Variants in KAT2B observed in about 807,000 individuals in gnomAD.
KAT2B encodes lysine acetyltransferase 2B, also known as histone acetyltransferase KAT2B.
In KAT2B, 36 loss-of-function variants were observed where a neutral mutation model predicts 105.9. The observed-to-expected ratio is 0.34, with a 90% confidence interval of 0.26 to 0.45. The LOEUF (loss-of-function observed/expected upper bound fraction) is 0.45. Ranked by LOEUF, KAT2B falls within the 20% of genes least tolerant of loss-of-function variation. KAT2B has a pLI of 1.00. For missense variants in KAT2B, 820 were observed against 1,021.6 expected (o/e 0.80, Z 2.69); for synonymous variants, 397 against 377.9 (o/e 1.05, Z -0.59).
chr3:20,119,691 G>T lies in KAT2B; in HGVS notation c.1244G>T (p.Cys415Phe). The T allele has an allele frequency of 1.2e-6, 2 of 1,614,080 alleles. No homozygotes were observed. Among genetic ancestry groups the T allele is most frequent in the Non-Finnish European group, 1.7e-6 (2 of 1,179,972 alleles). The part of the protein sequence containing the change: ...QPNAGSSSPA[C>F]KASSGLEANP... ...AACGCAGGGAGCAGCAGTCCTGCCTGCAAAGCCTCTTCTGGACTTGAGGCA... is the reference window on the plus strand; with the variant it reads ...AACGCAGGGAGCAGCAGTCCTGCCTTCAAAGCCTCTTCTGGACTTGAGGCA... Residue 415 changes from cysteine (C) to phenylalanine (F), a missense_variant, in exon 8 of 18, where the codon TGC becomes TTC. Physicochemically the swap from Cys to Phe is radical, Grantham distance 205. Around this residue, in one of 6 missense-constraint regions of KAT2B, gnomAD observed 225 missense variants for 268.1 expected, o/e 0.84. Transcript: ENST00000263754.
intron 2 of KAT2B, among the ~76,000 whole-genome samples, chr3:20,075,937 G>A (rs1485227978): frequency 6.6e-6 from 1 of 151,212 alleles, no homozygotes; most frequent in Non-Finnish European, 1.5e-5. Flanking sequence ...TTTTTCATAC[G>A]GCTTTATCTC....
At chr3:20,094,262 A>AGAGC (rs960996445) in intron 2 of KAT2B, among the ~76,000 whole-genome samples, 4 of 152,158 alleles carry the variant, frequency 2.6e-5, no homozygotes, top group Non-Finnish European at 4.4e-5. Flanking sequence ...CAGGAGAGAG[A>AGAGC]GAGCGAGCGA....
chr3:20,086,900 G>A (rs759620565), intron 2 of KAT2B, among the ~76,000 whole-genome samples: 5 of 151,758 alleles, frequency 3.3e-5, no homozygotes, highest in Admixed American at 6.6e-5. Flanking sequence ...TCCTGCCTCA[G>A]CCTCCCAAGT....
intron 5 of KAT2B, among the ~76,000 whole-genome samples, chr3:20,108,890 TTGA>T (rs1699070683): frequency 6.6e-6 from 1 of 152,168 alleles, no homozygotes; most frequent in Non-Finnish European, 1.5e-5. Flanking sequence ...AGTCTAATGC[TTGA>T]TGATCTGAGG....
At chr3:20,140,439 C>T in intron 13 of KAT2B, 75 bp downstream of exon 13, 2 of 1,474,362 alleles carry the variant, frequency 1.4e-6, no homozygotes, top group Non-Finnish European at 1.9e-6. Flanking sequence ...TCCTTGGGTG[C>T]TGCGTGTATG....
At position 20,040,454 on chromosome 3, in the gene KAT2B, C is replaced by T. The variant is rs1328776774; in HGVS notation, c.-24C>T. 4.0e-5 allele frequency: 43 copies of T among 1,088,486 alleles called. No homozygotes were observed. The East Asian group carries it at 8.4e-4, about 21-fold the overall frequency. 67.4% of individuals were successfully genotyped at this position (1,088,486 alleles called of 1,614,324 possible). A position where few individuals can be genotyped will look rare whatever the true frequency, so the allele number is the denominator to read the frequency against. On this transcript the variant is annotated 5_prime_UTR_variant, in exon 1 of 18. Coordinates refer to ENST00000263754, the MANE Select transcript of KAT2B (RefSeq NM_003884.5). ...CGGCGGCGGCGCCTGACACTCGGCGCCTCCTGCCGTGCTCCGGGGCGGCAT... is the reference window on the plus strand; with the variant it reads ...CGGCGGCGGCGCCTGACACTCGGCGTCTCCTGCCGTGCTCCGGGGCGGCAT...
intron 3 of KAT2B, among the ~76,000 whole-genome samples, chr3:20,095,884 C>A (rs1698799741): frequency 6.6e-6 from 1 of 152,116 alleles, no homozygotes; most frequent in East Asian, 1.9e-4. Flanking sequence ...GGGATGGTGG[C>A]GAGTTGGGGA....
chr3:20,141,993 C>T (rs184511239), intron 13 of KAT2B, among the ~76,000 whole-genome samples: 1 of 152,076 alleles, frequency 6.6e-6, no homozygotes, highest in Admixed American at 6.5e-5. Context: ...CACATCGTTC[C>T]GCATTAGAGG....
chr3:20,143,149 T>C (rs1158227981), intron 13 of KAT2B, among the ~76,000 whole-genome samples: 1 of 152,104 alleles, frequency 6.6e-6, no homozygotes, highest in African/African-American at 2.4e-5. Context: ...CTGACAGCAG[T>C]AGATCATAGG....
In KAT2B at chr3:20,114,867, T is replaced by C; in HGVS notation, c.1044-15T>C. ...AGTTTTTTTTTAATCTTATTGCTAT[T>C]ACTCTTGTGTCTAGATTTCTGTCCA... On this transcript the variant is annotated splice_polypyrimidine_tract_variant and intron_variant, in intron 6 of 17. Coordinates refer to ENST00000263754, the MANE Select transcript of KAT2B (RefSeq NM_003884.5). The C allele has an allele frequency of 7.0e-7, 1 of 1,420,386 alleles. No homozygotes were observed. The highest frequency in any genetic ancestry group is 9.9e-7 in the Non-Finnish European group (1 of 1,008,536). The allele number at this position is 1,420,386 out of a possible 1,614,324, so 88.0% of individuals were successfully genotyped here.
chr3:20,153,362 T>C lies in KAT2B; in HGVS notation c.*837T>C, dbSNP rs1217424272. On this transcript the variant is annotated 3_prime_UTR_variant, in exon 18 of 18. Coordinates refer to ENST00000263754, the MANE Select transcript of KAT2B (RefSeq NM_003884.5). ...ATGAGATTGAATCAACATGCTTTAA[T>C]AGGAAAAGATGTATGGTCTATATAT... 1.3e-5 allele frequency: 2 copies of C among 152,254 alleles called. No individual in the cohort carries two copies. Among genetic ancestry groups the C allele is most frequent in the Admixed American group, 1.3e-4 (2 of 15,282 alleles). 9.4% of individuals were successfully genotyped at this position (152,254 alleles called of 1,614,324 possible).
At chr3:20,082,425 C>A (rs1378542511) in intron 2 of KAT2B, among the ~76,000 whole-genome samples, 1 of 152,048 alleles carries the variant, frequency 6.6e-6, no homozygotes, top group Non-Finnish European at 1.5e-5. Flanking sequence ...TGTTTGTATT[C>A]TAATTTTATC....
chr3:20,045,119 A>G (rs983692324), intron 1 of KAT2B, among the ~76,000 whole-genome samples: 7 of 151,904 alleles, frequency 4.6e-5, no homozygotes, highest in African/African-American at 1.7e-4. Flanking sequence ...GGCTCAAGTG[A>G]TCCTTCCACC....
intron 5 of KAT2B, among the ~76,000 whole-genome samples, chr3:20,110,393 C>A (rs551753537): frequency 1.3e-5 from 2 of 151,850 alleles, no homozygotes; most frequent in South Asian, 4.2e-4. Context: ...AGGGTTGTCT[C>A]AGTTTGGTAG....
intron 2 of KAT2B, among the ~76,000 whole-genome samples, chr3:20,081,132 G>T (rs1019718987): frequency 6.6e-6 from 1 of 152,054 alleles, no homozygotes; most frequent in African/African-American, 2.4e-5. Flanking sequence ...TTCTAGCCTC[G>T]ATGCCAAATT....
At chr3:20,099,372 C>A (rs1421320222) in intron 3 of KAT2B, among the ~76,000 whole-genome samples, 2 of 152,208 alleles carry the variant, frequency 1.3e-5, no homozygotes, top group Admixed American at 1.3e-4. Context: ...CAGCTCCTGT[C>A]CCCTGGCCTC....
intron 1 of KAT2B, among the ~76,000 whole-genome samples, chr3:20,063,534 C>CTTTTTTTTTTTTTTT (rs36058009): frequency 1.1e-5 from 1 of 88,840 alleles, no homozygotes; most frequent in Non-Finnish European, 2.2e-5. Flanking sequence ...GAGTAGGCCT[C>CTTTTTTTTTTTTTTT]TTTTTTTTTT....
At chr3:20,092,313 C>T (rs1199263296) in intron 2 of KAT2B, among the ~76,000 whole-genome samples, 1 of 151,688 alleles carries the variant, frequency 6.6e-6, no homozygotes, top group African/African-American at 2.4e-5. Flanking sequence ...ACTGCAGCCT[C>T]CACCTCACAG....
At chr3:20,137,162 AG>A (rs1186681892) in intron 12 of KAT2B, 110 bp downstream of exon 12, 5 of 634,138 alleles carry the variant, frequency 7.9e-6, no homozygotes, top group Non-Finnish European at 1.1e-5. Flanking sequence ...TTATAAGAAC[AG>A]GCATTTGTTT....
Sources: gnomAD v4.1 joint callset for allele counts (sites outside exome capture counted in the v4.1 genomes callset) on GRCh38, gnomAD v4.1.1 for gene constraint, gnomAD v4.1.1 regional missense constraint, MANE v1.5 for transcripts, NCBI Gene and HGNC (gene_info 2026-07-23, HGNC 2026-07-21) for gene names.